ZNF66: variants seen among roughly 807,000 people sequenced by gnomAD.
ZNF66 encodes zinc finger protein 66, also known as putative zinc finger protein 66.
In ZNF66, 32 loss-of-function variants were observed where a neutral mutation model predicts 35.2. The observed-to-expected ratio is 0.91, with a 90% CI of 0.69 to 1.22. ZNF66 has a LOEUF of 1.22. ZNF66 is among the 50% of genes most tolerant of loss of function. The probability of loss-of-function intolerance (pLI) is 0.00; values close to 1 mark genes in which losing one functional copy is unlikely to be tolerated. For synonymous variants in ZNF66, 231 were observed against 181.3 expected (o/e 1.27, Z -2.20); for missense variants, 666 against 543.1 (o/e 1.23, Z -2.25).
At chr19:20,795,884 C>T (rs1971387413) in intron 3 of ZNF66, among the ~76,000 whole-genome samples, 1 of 152,112 alleles carries the variant, frequency 6.6e-6, no homozygotes, top group Non-Finnish European at 1.5e-5. Context: ...AGAGTAAGTT[C>T]AGAATTCTCA....
intron 3 of ZNF66, among the ~76,000 whole-genome samples, chr19:20,805,381 A>G (rs933583500): frequency 6.6e-6 from 1 of 151,974 alleles, no homozygotes; most frequent in African/African-American, 2.4e-5. Context: ...TTTAGTAGAG[A>G]TGGGTTCTCA....
chr19:20,789,178 GTTTTTC>G (rs1026242281), intron 1 of ZNF66, among the ~76,000 whole-genome samples: 1 of 152,190 alleles, frequency 6.6e-6, no homozygotes, highest in African/African-American at 2.4e-5. Flanking sequence ...TGGGATTTAA[GTTTTTC>G]TTTTAGGTAA....
intron 3 of ZNF66, among the ~76,000 whole-genome samples, chr19:20,797,077 A>C (rs416612): frequency 0.093 from 14,048 of 150,732 alleles, 658 homozygotes; most frequent in Middle Eastern, 0.11. Flanking sequence ...TCTTGAACTT[A>C]TGACCTCAGG....
intron 1 of ZNF66, among the ~76,000 whole-genome samples, chr19:20,778,628 C>T (rs1971217016): frequency 6.6e-6 from 1 of 151,660 alleles, no homozygotes; most frequent in Non-Finnish European, 1.5e-5. Flanking sequence ...ACTAAAAATA[C>T]AAAAGTTAGC....
At chr19:20,779,802 C>T (rs1395088310) in intron 1 of ZNF66, among the ~76,000 whole-genome samples, 2 of 151,816 alleles carry the variant, frequency 1.3e-5, no homozygotes, top group African/African-American at 4.8e-5. Flanking sequence ...GTGGTGCATG[C>T]CTGTAATCCC....
chr19:20,799,812 ATTGT>A (rs1173357445), intron 3 of ZNF66, among the ~76,000 whole-genome samples: 1 of 152,140 alleles, frequency 6.6e-6, no homozygotes, highest in Non-Finnish European at 1.5e-5. Flanking sequence ...TGTGTATCAC[ATTGT>A]TTAAATTCCA....
At chr19:20,789,266 G>A (rs1370419471) in intron 1 of ZNF66, among the ~76,000 whole-genome samples, 1 of 152,132 alleles carries the variant, frequency 6.6e-6, no homozygotes, top group African/African-American at 2.4e-5. Context: ...TCCCCACCCT[G>A]CCTCAGACCT....
chr19:20,779,335 G>C (rs1971224476), intron 1 of ZNF66, among the ~76,000 whole-genome samples: 1 of 152,086 alleles, frequency 6.6e-6, no homozygotes, highest in South Asian at 2.1e-4. Flanking sequence ...AGGTAAACAA[G>C]ATAAGAAAGG....
chr19:20,784,248 G>A (rs1971268135), intron 1 of ZNF66, among the ~76,000 whole-genome samples: 1 of 152,110 alleles, frequency 6.6e-6, no homozygotes, highest in African/African-American at 2.4e-5. Context: ...GAAATATAAA[G>A]TGTTTTAACT....
At chr19:20,781,792 G>C (rs931536113) in intron 1 of ZNF66, among the ~76,000 whole-genome samples, 3 of 152,116 alleles carry the variant, frequency 2.0e-5, no homozygotes, top group Non-Finnish European at 4.4e-5. Context: ...ACAGGTGTGA[G>C]CACTGCGCCA....
chr19:20,805,121 G>GTT (rs1322935241), intron 3 of ZNF66, among the ~76,000 whole-genome samples: 2 of 149,274 alleles, frequency 1.3e-5, no homozygotes, highest in African/African-American at 5.0e-5. Context: ...GTGTGTGTGT[G>GTT]TGTGTGAGAG....
Position 20,806,729 on chromosome 19 carries a change from G to T in ZNF66, c.1129G>T (p.Ala377Ser). Residue 377 changes from alanine (A) to serine (S), a missense_variant, in exon 4 of 4, where the codon GCC becomes TCC. Physicochemically the swap from Ala to Ser is moderately conservative, Grantham distance 99. Coordinates refer to ENST00000344519, the MANE Select transcript of ZNF66 (RefSeq NM_001355197.2). ...CTACAAATGTGAAGAATGTGGTGAA[G>T]CCTTTAAGTACTCCTGTTCCCTTAC... ...KPYKCEECGE[A>S]FKYSCSLTAH... The T allele has an allele frequency of 7.2e-7, 1 of 1,398,018 alleles. No individual in the cohort carries two copies. The highest frequency in any genetic ancestry group is 2.3e-5 in the East Asian group (1 of 43,770). The allele number at this position is 1,398,018 out of a possible 1,614,324, so 86.6% of individuals were successfully genotyped here.
intron 3 of ZNF66, among the ~76,000 whole-genome samples, chr19:20,801,343 T>G (rs944664326): frequency 1.3e-5 from 2 of 151,974 alleles, no homozygotes; most frequent in African/African-American, 4.8e-5. Context: ...TTATTCATTT[T>G]ATTTTATTTT....
intron 1 of ZNF66, among the ~76,000 whole-genome samples, chr19:20,786,808 G>A (rs764519217): frequency 1.3e-5 from 2 of 152,150 alleles, no homozygotes; most frequent in Non-Finnish European, 2.9e-5. Context: ...TGTTGCCCAG[G>A]CTGAGTGCAA....
intron 1 of ZNF66, among the ~76,000 whole-genome samples, chr19:20,785,357 A>C (rs1168601547): frequency 1.3e-5 from 2 of 152,190 alleles, no homozygotes; most frequent in Non-Finnish European, 2.9e-5. Context: ...CAAAGAGAGA[A>C]TCCTATTCAA....
chr19:20,803,513 G>T (rs954325177), intron 3 of ZNF66, among the ~76,000 whole-genome samples: 5 of 151,544 alleles, frequency 3.3e-5, no homozygotes, highest in Non-Finnish European at 7.4e-5. Context: ...TTTTGTTATT[G>T]AGTTTGCCAA....
At position 20,806,535 on chromosome 19, in the gene ZNF66, C is replaced by A. The variant is rs762587771; in HGVS notation, c.935C>A (p.Pro312His). 6.5e-7 allele frequency: 1 copy of A among 1,540,088 alleles called. No individual in the cohort carries two copies. The highest frequency in any genetic ancestry group is 1.4e-5 in the African/African-American group (1 of 73,304). Residue 312 changes from proline (P) to histidine (H), a missense_variant, in exon 4 of 4, where the codon CCC becomes CAC. By Grantham distance (77) the Pro-to-His change is moderately conservative. Transcript: ENST00000344519. Reference protein sequence around the residue: ...THKIIHTGEKPYKCEECGKAF... With the variant: ...THKIIHTGEKHYKCEECGKAF... ...AAGATAATTCATACTGGAGAGAAAC[C>A]CTACAAATGTGAAGAATGTGGTAAA...
intron 1 of ZNF66, chr19:20,784,528 T>C (rs879586545): frequency 7.2e-5 from 11 of 152,166 alleles, no homozygotes; most frequent in Non-Finnish European, 1.3e-4. Flanking sequence ...ATAATACCTC[T>C]TCAGTTAGCT....
rs11882548 is a variant in ZNF66 at position 20,807,183 on chromosome 19, A to C, written c.1583A>C (p.Lys528Thr). 4.0e-6 allele frequency: 3 copies of C among 751,642 alleles called. No homozygotes were observed. The African/African-American group carries it at 5.2e-5, about 13-fold the overall frequency. 46.6% of individuals were successfully genotyped at this position (751,642 alleles called of 1,614,324 possible). The part of the protein sequence containing the change: ...FKYSSTLTRH[K>T]KIHTGGKPHK... ...TACTCCTCTACCCTTACTAGACATAAGAAAATTCATACTGGAGGGAAACCA... is the reference window on the plus strand; with the variant it reads ...TACTCCTCTACCCTTACTAGACATACGAAAATTCATACTGGAGGGAAACCA... Residue 528 changes from lysine to threonine, a missense_variant, in exon 4 of 4, where the codon AAG becomes ACG. By Grantham distance (78) the Lys-to-Thr change is moderately conservative. Coordinates refer to ENST00000344519, the MANE Select transcript of ZNF66 (RefSeq NM_001355197.2).
Sources: gnomAD v4.1 joint callset for allele counts (sites outside exome capture counted in the v4.1 genomes callset) on GRCh38, gnomAD v4.1.1 for gene constraint, MANE v1.5 for transcripts, NCBI Gene and HGNC (gene_info 2026-07-23, HGNC 2026-07-21) for gene names.